Variants in ARPC4 observed in about 807,000 individuals in gnomAD.
ARPC4 encodes actin related protein 2/3 complex subunit 4.
Under a neutral mutation model 22.8 loss-of-function variants are expected in ARPC4, and 3 were observed. That is an observed-to-expected ratio of 0.13 (90% confidence interval 0.06 to 0.34). The LOEUF is 0.34. ARPC4 is among the 10% of genes least tolerant of loss of function. The pLI, the probability that ARPC4 is intolerant of heterozygous loss-of-function variation, is 1.00. For synonymous variants in ARPC4, 80 were observed against 72.5 expected (o/e 1.10, Z -0.52); for missense variants, 98 against 211.0 (o/e 0.46, Z 3.32).
chr3:9,806,489 G>T lies in ARPC4; in HGVS notation c.*274G>T, dbSNP rs1266422248. 1 of 539,636 alleles carries T rather than the reference G, an allele frequency of 1.9e-6. No individual in the cohort carries two copies. The highest frequency in any genetic ancestry group is 3.2e-5 in the East Asian group (1 of 31,258). 33.4% of individuals were successfully genotyped at this position (539,636 alleles called of 1,614,324 possible). A position where few individuals can be genotyped will look rare whatever the true frequency, so the allele number is the denominator to read the frequency against. ...TAACGTCTTGAAACTTAAACTCTGTGCTTGTAGGATACTGTAACCTTTTTG... is the reference window on the plus strand; with the variant it reads ...TAACGTCTTGAAACTTAAACTCTGTTCTTGTAGGATACTGTAACCTTTTTG... On this transcript the variant is annotated 3_prime_UTR_variant, in exon 6 of 6. Transcript: ENST00000397261.
intron 3 of ARPC4, 109 bp from the exon 4 acceptor site, chr3:9,801,551 CA>C (rs1469612413): frequency 9.3e-7 from 1 of 1,073,800 alleles, no homozygotes; most frequent in Non-Finnish European, 1.3e-6. Context: ...TACCAAACCT[CA>C]CTGTCTCCTG....
intron 5 of ARPC4, among the ~76,000 whole-genome samples, chr3:9,805,222 C>T (rs1180561854): frequency 1.8e-4 from 28 of 152,090 alleles, no homozygotes; most frequent in Non-Finnish European, 1.5e-5. Flanking sequence ...GAATTGGACC[C>T]CTAAAAAAGT....
chr3:9,803,840 T>G lies in ARPC4; in HGVS notation c.331-3T>G. 1 of 1,613,598 alleles carries G rather than the reference T, an allele frequency of 6.2e-7. No individual in the cohort carries two copies. Among genetic ancestry groups the G allele is most frequent in the Non-Finnish European group, 8.5e-7 (1 of 1,179,542 alleles). On this transcript the variant is annotated splice_polypyrimidine_tract_variant and splice_region_variant and intron_variant, in intron 4 of 5. Transcript: ENST00000397261. ...TCCCCCTCCCTACTGTCTTCTTCCCTAGGGGTATGATATCAGCTTTCTGAT... is the reference window on the plus strand; with the variant it reads ...TCCCCCTCCCTACTGTCTTCTTCCCGAGGGGTATGATATCAGCTTTCTGAT...
At chr3:9,793,242 G>A in intron 1 of ARPC4, 118 bp downstream of exon 1, 2 of 1,453,318 alleles carry the variant, frequency 1.4e-6, no homozygotes, top group South Asian at 1.4e-5. Context: ...CGGGGGTTGT[G>A]GGGACACGAT....
chr3:9,797,878 A>G, intron 2 of ARPC4, 101 bp downstream of exon 2: 2 of 1,222,760 alleles, frequency 1.6e-6, no homozygotes, highest in Non-Finnish European at 2.2e-6. Context: ...TAGTCAGGAA[A>G]GCTGCAGTTG....
At position 9,793,144 on chromosome 3, in the gene ARPC4, G is replaced by A. The variant is rs190626413; in HGVS notation, c.3+20G>A. On this transcript the variant is annotated intron_variant, in intron 1 of 5. Transcript: ENST00000397261. The stretch of plus-strand genomic sequence containing the variant: ...GCGATGGTGAGAGAGCCGGGCCCCC[G>A]GCCAGGGACCCCCGGCTGTTCGGCC... 9 of 1,540,150 alleles carry A rather than the reference G, an allele frequency of 5.8e-6. No homozygotes were observed. In the African/African-American group the frequency reaches 6.9e-5, roughly 12 times the overall value.
intron 2 of ARPC4, chr3:9,798,088 A>G (rs942445623): frequency 4.6e-6 from 1 of 218,474 alleles, no homozygotes; most frequent in Non-Finnish European, 8.9e-6. Flanking sequence ...TGGTCAGATA[A>G]TTGTTATCTG....
chr3:9,796,142 C>G (rs980163684), intron 1 of ARPC4, among the ~76,000 whole-genome samples: 8 of 152,110 alleles, frequency 5.3e-5, no homozygotes, highest in Admixed American at 1.3e-4. Flanking sequence ...GCCTGTAATC[C>G]CAACACTTTG....
intron 1 of ARPC4, among the ~76,000 whole-genome samples, chr3:9,796,888 C>T (rs541579056): frequency 9.5e-5 from 14 of 147,060 alleles, no homozygotes; most frequent in Non-Finnish European, 1.6e-4. Context: ...TTGCAGTGAG[C>T]CGAGATCGTG....
At chr3:9,793,009 G>A, upstream of ARPC4, 1 of 1,522,736 alleles carries the variant, frequency 6.6e-7, no homozygotes, top group Non-Finnish European at 8.8e-7. Flanking sequence ...GAGCATAGAT[G>A]GTACCGTCCG....
chr3:9,795,263 G>A (rs938241217), intron 1 of ARPC4, among the ~76,000 whole-genome samples: 1 of 152,134 alleles, frequency 6.6e-6, no homozygotes, highest in African/African-American at 2.4e-5. Flanking sequence ...GCCTCCCAAA[G>A]TGCCGGGATT....
chr3:9,793,241 T>A, intron 1 of ARPC4, 117 bp downstream of exon 1: 1 of 1,420,962 alleles, frequency 7.0e-7, no homozygotes, highest in South Asian at 1.4e-5. Flanking sequence ...CCGGGGGTTG[T>A]GGGGACACGA....
In ARPC4 at chr3:9,801,876, G is replaced by A. The variant is rs1053405359; in HGVS notation, c.330+120G>A. 5 of 1,051,328 alleles carry A rather than the reference G, an allele frequency of 4.8e-6. No individual in the cohort carries two copies. In the East Asian group the frequency reaches 1.1e-4, roughly 23 times the overall value. 65.1% of individuals were successfully genotyped at this position (1,051,328 alleles called of 1,614,324 possible). On this transcript the variant is annotated intron_variant, in intron 4 of 5. Transcript: ENST00000397261. ...CACCCACTGCCTGAATTGAGAGTTG[G>A]CCTTCATCTTGGAGTGGGAGCAAAG...
upstream of ARPC4, chr3:9,792,982 G>A: frequency 6.9e-7 from 1 of 1,440,838 alleles, no homozygotes; most frequent in Non-Finnish European, 9.1e-7. Context: ...GTTCGTAAGG[G>A]CTCTCTACCC....
In ARPC4 at chr3:9,806,371, C is replaced by T. The variant is rs2079107206; in HGVS notation, c.*156C>T. ...GTGGGTGGTGTGCTTGCTAGCTGGG[C>T]AAGAAAGCAGCAGTGGACCTGCCCC... On this transcript the variant is annotated 3_prime_UTR_variant, in exon 6 of 6. Coordinates refer to ENST00000397261, the MANE Select transcript of ARPC4 (RefSeq NM_005718.5). 2 of 871,152 alleles carry T rather than the reference C, an allele frequency of 2.3e-6. No homozygotes were observed. Among genetic ancestry groups the T allele is most frequent in the African/African-American group, 1.6e-5 (1 of 61,256 alleles). The allele number at this position is 871,152 out of a possible 1,614,324, so 54.0% of individuals were successfully genotyped here.
intron 3 of ARPC4, 29 bp from the exon 4 acceptor site, chr3:9,801,632 G>T: frequency 6.3e-7 from 1 of 1,578,086 alleles, no homozygotes; most frequent in South Asian, 1.1e-5. Flanking sequence ...GTCAGCTTTA[G>T]AGAAACATTT....
upstream of ARPC4, chr3:9,792,692 G>C (rs2078769280): frequency 8.1e-7 from 1 of 1,233,522 alleles, no homozygotes; most frequent in Non-Finnish European, 1.0e-6. Flanking sequence ...CCCGCCGAGC[G>C]CCAGGAGCTG....
At chr3:9,806,023 C>T (rs531923863) in intron 5 of ARPC4, among the ~76,000 whole-genome samples, 187 bp from the exon 6 acceptor site, 51 of 152,342 alleles carry the variant, frequency 3.3e-4, no homozygotes, top group Non-Finnish European at 6.6e-4. Context: ...GGCTTAGGGC[C>T]GGTGCCCATA....
rs1311112088 is a variant in ARPC4, at chr3:9,801,653, C to T, written c.235-8C>T. On this transcript the variant is annotated splice_region_variant and splice_polypyrimidine_tract_variant and intron_variant, in intron 3 of 5. Coordinates refer to ENST00000397261, the MANE Select transcript of ARPC4 (RefSeq NM_005718.5). ...TTTAGAGAAACATTTCTCTCTTGCACTCCCCAGGCTGATGAGATCGAGAAG... is the reference window on the plus strand; with the variant it reads ...TTTAGAGAAACATTTCTCTCTTGCATTCCCCAGGCTGATGAGATCGAGAAG... 7 of 1,600,646 alleles carry T rather than the reference C, an allele frequency of 4.4e-6. No homozygotes were observed. Among genetic ancestry groups the T allele is most frequent in the Non-Finnish European group, 6.0e-6 (7 of 1,171,688 alleles).
Sources: allele counts gnomAD v4.1 joint callset (sites outside exome capture counted in the v4.1 genomes callset), GRCh38; gene constraint gnomAD v4.1.1; transcripts MANE v1.5; gene names NCBI Gene and HGNC (gene_info 2026-07-23, HGNC 2026-07-21).